GDAP1: variants seen among roughly 807,000 people sequenced by gnomAD.
GDAP1 encodes ganglioside induced differentiation associated protein 1, also known as ganglioside-induced differentiation-associated protein 1.
In GDAP1, 34 loss-of-function variants were observed where a neutral mutation model predicts 40.1. The observed-to-expected ratio is 0.85, with a 90% CI of 0.64 to 1.13. GDAP1 has a LOEUF of 1.13. Ranked by LOEUF, GDAP1 falls within the 50% of genes most tolerant of loss-of-function variation. The pLI, the probability that GDAP1 is intolerant of heterozygous loss-of-function variation, is 0.00. For missense variants in GDAP1, 374 were observed against 433.7 expected (o/e 0.86, Z 1.22); for synonymous variants, 170 against 157.4 (o/e 1.08, Z -0.60).
chr8:74,404,383 G>A (rs1005168120), intron 2 of GDAP1, among the ~76,000 whole-genome samples: 7 of 149,328 alleles, frequency 4.7e-5, no homozygotes, highest in Non-Finnish European at 8.8e-5. Context: ...TTTTCTAGAT[G>A]ATTACTATGT....
At chr8:74,404,445 G>A (rs1238132905) in intron 2 of GDAP1, among the ~76,000 whole-genome samples, 1 of 149,114 alleles carries the variant, frequency 6.7e-6, no homozygotes, top group Admixed American at 6.6e-5. Flanking sequence ...AACTCTTCAA[G>A]ATGTATATTA....
chr8:74,363,565 C>T (rs1202325831), intron 5 of GDAP1, among the ~76,000 whole-genome samples: 1 of 152,226 alleles, frequency 6.6e-6, no homozygotes, highest in East Asian at 1.9e-4. Context: ...AGCTCTTCTG[C>T]TTTAAATGAC....
At chr8:74,386,414 C>T (rs968734029) in intron 2 of GDAP1, among the ~76,000 whole-genome samples, 1 of 152,138 alleles carries the variant, frequency 6.6e-6, no homozygotes, top group Non-Finnish European at 1.5e-5. Context: ...TATGGCTAGC[C>T]TGTTTTCCCA....
chr8:74,486,413 CCTT>C (rs1806776958), intron 2 of GDAP1, among the ~76,000 whole-genome samples: 1 of 152,188 alleles, frequency 6.6e-6, no homozygotes, highest in Non-Finnish European at 1.5e-5. Context: ...GTCTAGCTCT[CCTT>C]CTGGACAGCA....
rs553112799 is a variant in GDAP1 at position 74,375,520 on chromosome 8, T to G, written c.165+24199T>G. On this transcript the variant is annotated intron_variant, in intron 2 of 2. Coordinates refer to the GDAP1 transcript ENST00000523640. ...AGTGTTATTAACCACATTAACCAAA[T>G]AAAGATGAAACATCATATAACCATC... is the stretch of plus-strand genomic sequence containing the variant. 2.6e-5 allele frequency among the ~76,000 whole-genome samples: 4 copies of G among 152,222 alleles called. No homozygotes were observed. In the East Asian group the frequency reaches 7.7e-4, roughly 29 times the overall value.
intron 2 of GDAP1, among the ~76,000 whole-genome samples, chr8:74,371,995 A>T (rs1211201838): frequency 7.4e-6 from 1 of 135,794 alleles, no homozygotes; most frequent in Non-Finnish European, 1.5e-5. Context: ...TTCAATTCCC[A>T]CCTATGAGTG....
At chr8:74,461,967 T>C (rs117083370) in intron 2 of GDAP1, among the ~76,000 whole-genome samples, 5,528 of 152,252 alleles carry the variant, frequency 0.036, 165 homozygotes, top group Admixed American at 0.056. Context: ...TTCCAGCAAA[T>C]GAACAATAAA....
chr8:74,356,358 G>A (rs1445438959), intron 2 of GDAP1, among the ~76,000 whole-genome samples: 2 of 152,000 alleles, frequency 1.3e-5, no homozygotes, highest in Non-Finnish European at 2.9e-5. Flanking sequence ...AGGAATTTTT[G>A]CTTCCATCAT....
intron 2 of GDAP1, among the ~76,000 whole-genome samples, chr8:74,422,334 TTTCTTTCTTTCTTTCTTCCC>T (rs1483501065): frequency 7.6e-4 from 47 of 61,770 alleles, no homozygotes; most frequent in African/African-American, 2.6e-3. Context: ...TCTTTCTTTC[TTTCTTTCTTTCTTTCTTCCC>T]TTCCTTCCTT....
exon 3 of GDAP1, chr8:74,488,809 T>C (rs1806807630): frequency 6.6e-6 from 1 of 152,190 alleles, no homozygotes; most frequent in Non-Finnish European, 1.5e-5. Flanking sequence ...GTTGGGTTTA[T>C]TTCAGCAAAC....
At chr8:74,482,298 C>T (rs902360383) in intron 2 of GDAP1, among the ~76,000 whole-genome samples, 1 of 152,110 alleles carries the variant, frequency 6.6e-6, no homozygotes, top group Non-Finnish European at 1.5e-5. Context: ...ATTTGGCCTC[C>T]ATGAATATAT....
Position 74,366,792 on chromosome 8 carries a change from T to G in GDAP1, c.*2425T>G, listed in dbSNP as rs544337877. 3.5e-5 allele frequency: 16 copies of G among 453,912 alleles called. No individual in the cohort carries two copies. The East Asian group carries it at 8.3e-4, about 24-fold the overall frequency. The allele number at this position is 453,912 out of a possible 1,614,324, so 28.1% of individuals were successfully genotyped here. On this transcript the variant is annotated 3_prime_UTR_variant, in exon 6 of 6. Transcript: ENST00000220822. ...ACACCAGCGTTGTAGATTTTTGGTG[T>G]TGTTGAATGCAGTAGAGAGACCAAG...
chr8:74,357,903 A>C (rs1024585095), intron 2 of GDAP1, among the ~76,000 whole-genome samples: 1 of 152,200 alleles, frequency 6.6e-6, no homozygotes, highest in Non-Finnish European at 1.5e-5. Context: ...TGGGATTGAG[A>C]GGGAAGATCT....
At chr8:74,487,122 C>CACAT (rs1420804885) in intron 2 of GDAP1, among the ~76,000 whole-genome samples, 1 of 152,094 alleles carries the variant, frequency 6.6e-6, no homozygotes, top group Non-Finnish European at 1.5e-5. Flanking sequence ...CAGTGCCTGG[C>CACAT]ACATGGTAAA....
rs758286982 is a variant in GDAP1 at position 74,417,276 on chromosome 8, CTT to C, written c.165+65957_165+65958del. On this transcript the variant is annotated intron_variant, in intron 2 of 2. Transcript: ENST00000523640. ...ACTTGATAAACAGAATCTATAAAAA[CTT>C]TAGAGCCAATATCACAATTGACAGT... is the stretch of plus-strand genomic sequence containing the variant. Among the ~76,000 whole-genome samples, 6 of 150,034 alleles carry C rather than the reference CTT, an allele frequency of 4.0e-5. 1 individual carries two copies. Among genetic ancestry groups the C allele is most frequent in the African/African-American group, 7.6e-5 (3 of 39,398 alleles).
At chr8:74,439,778 A>T (rs780537063) in intron 2 of GDAP1, among the ~76,000 whole-genome samples, 1 of 152,016 alleles carries the variant, frequency 6.6e-6, no homozygotes, top group East Asian at 1.9e-4. Flanking sequence ...TTAAACCATA[A>T]ATTAAATTTT....
intron 2 of GDAP1, among the ~76,000 whole-genome samples, chr8:74,455,399 A>C (rs1418139559): frequency 6.6e-6 from 1 of 151,948 alleles, no homozygotes. Flanking sequence ...AAGAAAGAAA[A>C]CACAGATGAA....
chr8:74,405,415 G>A (rs1041353561), intron 2 of GDAP1, among the ~76,000 whole-genome samples: 25 of 150,138 alleles, frequency 1.7e-4, no homozygotes, highest in Admixed American at 1.2e-3. Flanking sequence ...AAGTCTTTAC[G>A]TGTTCAGTGT....
chr8:74,470,123 T>C (rs953322657), intron 2 of GDAP1, among the ~76,000 whole-genome samples: 1 of 152,222 alleles, frequency 6.6e-6, no homozygotes, highest in African/African-American at 2.4e-5. Flanking sequence ...CCTTCAGTTT[T>C]TGTAGCTAAT....
Sources: gnomAD v4.1 joint callset for allele counts (sites outside exome capture counted in the v4.1 genomes callset) on GRCh38, gnomAD v4.1.1 for gene constraint, MANE v1.5 for transcripts, NCBI Gene and HGNC (gene_info 2026-07-23, HGNC 2026-07-21) for gene names.